The following BMPR1B variants were observed in gnomAD, a reference collection of about 807,000 sequenced individuals.
BMPR1B encodes the protein bone morphogenetic protein receptor type 1B, also known as bone morphogenetic protein receptor type-1B.
In BMPR1B, 12 loss-of-function variants were observed where a neutral mutation model predicts 59.1. The observed-to-expected ratio is 0.20, with a 90% CI of 0.13 to 0.33. The LOEUF (loss-of-function observed/expected upper bound fraction) is 0.33. Among genes scored for constraint, BMPR1B ranks in the 10% least tolerant of loss-of-function variants. The probability of loss-of-function intolerance (pLI) is 1.00; values close to 1 mark genes in which losing one functional copy is unlikely to be tolerated. For synonymous variants in BMPR1B, 237 were observed against 207.3 expected, an observed-to-expected ratio of 1.14 and a Z score of -1.23; for missense variants, 550 against 610.9, an observed-to-expected ratio of 0.90 and a Z score of 1.05.
At chr4:94,891,971 A>G (rs1560534650) in intron 2 of BMPR1B, among the ~76,000 whole-genome samples, 1 of 152,096 alleles carries the variant, frequency 6.6e-6, no homozygotes, top group Non-Finnish European at 1.5e-5. Context: ...TTACTTTAAT[A>G]TTAAATTGAG....
At chr4:95,074,874 A>G (rs529279043) in intron 3 of BMPR1B, among the ~76,000 whole-genome samples, 22 of 152,262 alleles carry the variant, frequency 1.4e-4, no homozygotes, top group African/African-American at 4.8e-4. Context: ...GAAAAGTTAC[A>G]TGCCTGCTCA....
At chr4:95,047,740 C>T (rs1291497759) in intron 3 of BMPR1B, among the ~76,000 whole-genome samples, 1 of 152,046 alleles carries the variant, frequency 6.6e-6, no homozygotes. Flanking sequence ...GGAGATTTTT[C>T]CCATTCTACC....
At chr4:94,793,725 T>G (rs1417668894) in intron 1 of BMPR1B, among the ~76,000 whole-genome samples, 1 of 145,598 alleles carries the variant, frequency 6.9e-6, no homozygotes, top group Non-Finnish European at 1.5e-5. Flanking sequence ...TGGTGTGAGA[T>G]GGTATCTCAT....
intron 8 of BMPR1B, among the ~76,000 whole-genome samples, chr4:95,125,833 A>C (rs996160821): frequency 6.6e-6 from 1 of 152,082 alleles, no homozygotes; most frequent in African/African-American, 2.4e-5. Context: ...AAAATATCCT[A>C]ATACCCAATA....
intron 1 of BMPR1B, among the ~76,000 whole-genome samples, chr4:94,852,345 T>C (rs1452200220): frequency 6.6e-6 from 1 of 152,130 alleles, no homozygotes; most frequent in Non-Finnish European, 1.5e-5. Context: ...AAAAAATATA[T>C]GTATACACAC....
intron 1 of BMPR1B, among the ~76,000 whole-genome samples, chr4:94,781,884 G>A (rs1196473700): frequency 1.3e-5 from 2 of 151,918 alleles, no homozygotes; most frequent in Non-Finnish European, 2.9e-5. Flanking sequence ...CAGTTTCCTT[G>A]TATGCAAAGA....
intron 3 of BMPR1B, among the ~76,000 whole-genome samples, chr4:95,035,060 GT>G (rs2149163053): frequency 6.6e-6 from 1 of 151,980 alleles, no homozygotes; most frequent in African/African-American, 2.4e-5. Flanking sequence ...TCATATGTTT[GT>G]TGGCTATTTG....
intron 1 of BMPR1B, among the ~76,000 whole-genome samples, chr4:94,810,014 T>C (rs917703013): frequency 6.6e-6 from 1 of 152,176 alleles, no homozygotes; most frequent in African/African-American, 2.4e-5. Flanking sequence ...TTTACAGTTT[T>C]TTTGACCCTA....
intron 3 of BMPR1B, among the ~76,000 whole-genome samples, chr4:95,057,419 G>C (rs1317507631): frequency 6.6e-6 from 1 of 152,038 alleles, no homozygotes; most frequent in East Asian, 1.9e-4. Flanking sequence ...TATTTTTGTT[G>C]TATTTTTAGT....
chr4:95,042,001 C>G (rs549995384), intron 3 of BMPR1B, among the ~76,000 whole-genome samples: 1 of 152,070 alleles, frequency 6.6e-6, no homozygotes, highest in African/African-American at 2.4e-5. Flanking sequence ...GGACCATAGG[C>G]GCCAGCCACC....
chr4:94,849,184 A>C (rs1725469332), intron 1 of BMPR1B, among the ~76,000 whole-genome samples: 1 of 152,204 alleles, frequency 6.6e-6, no homozygotes, highest in Non-Finnish European at 1.5e-5. Context: ...TGGGGTAATA[A>C]ATGAGCAAAG....
In BMPR1B at chr4:94,845,828, T is replaced by C. The variant is rs146441917; in HGVS notation, c.-182-30003T>C. Reference sequence around the variant, plus strand: ...TTAGTATCTAGTCTATTTATATGTATCCTTTAAGAAGAAATAGCCAGAAAG... The same window carrying C: ...TTAGTATCTAGTCTATTTATATGTACCCTTTAAGAAGAAATAGCCAGAAAG... On this transcript the variant is annotated intron_variant, in intron 1 of 12. Transcript: ENST00000515059. Among the ~76,000 whole-genome samples the C allele has an allele frequency of 3.7e-3, 567 of 152,302 alleles. 1 individual carries two copies. Among genetic ancestry groups the C allele is most frequent in the African/African-American group, 0.013 (553 of 41,552 alleles).
chr4:94,994,300 G>A (rs963184091), intron 2 of BMPR1B, among the ~76,000 whole-genome samples: 5 of 152,172 alleles, frequency 3.3e-5, no homozygotes, highest in African/African-American at 7.2e-5. Context: ...CAGCAAGAAA[G>A]ATCTATTTGA....
chr4:95,053,565 C>T (rs1726687812), intron 3 of BMPR1B, among the ~76,000 whole-genome samples: 1 of 152,006 alleles, frequency 6.6e-6, no homozygotes, highest in South Asian at 2.1e-4. Flanking sequence ...TAGTGTCTGG[C>T]ACATAATATT....
At chr4:94,986,296 T>G (rs2149092900) in intron 2 of BMPR1B, among the ~76,000 whole-genome samples, 1 of 152,290 alleles carries the variant, frequency 6.6e-6, no homozygotes, top group Admixed American at 6.5e-5. Flanking sequence ...CTGTTCTTGC[T>G]CAGTCTAGGA....
At chr4:95,009,183 A>G (rs1358603698) in intron 3 of BMPR1B, among the ~76,000 whole-genome samples, 3 of 152,340 alleles carry the variant, frequency 2.0e-5, no homozygotes, top group African/African-American at 7.2e-5. Context: ...TTCACTGCTA[A>G]TGGCGATGCA....
rs77075401 is a variant in BMPR1B at position 95,088,576 on chromosome 4, T to C, written c.-17-15832T>C. Among the ~76,000 whole-genome samples the C allele has an allele frequency of 2.0e-3, 301 of 152,274 alleles. 1 individual carries two copies. The highest frequency in any genetic ancestry group is 7.0e-3 in the African/African-American group (291 of 41,560). On this transcript the variant is annotated intron_variant, in intron 3 of 12. Transcript: ENST00000515059. The stretch of plus-strand genomic sequence containing the variant: ...TCATAATAGCACAATTTTAATACTT[T>C]TCTCTTGAGGCTGTTTGACTTGCTG...
At chr4:94,973,681 T>G (rs115397425) in intron 2 of BMPR1B, among the ~76,000 whole-genome samples, 91 of 152,238 alleles carry the variant, frequency 6.0e-4, no homozygotes, top group African/African-American at 2.1e-3. Context: ...TGGGCCTCAG[T>G]TTCAGGCTTT....
chr4:94,848,701 G>C (rs913690560), intron 1 of BMPR1B, among the ~76,000 whole-genome samples: 1 of 152,318 alleles, frequency 6.6e-6, no homozygotes, highest in East Asian at 1.9e-4. Flanking sequence ...GCATGGATAG[G>C]AATGTTAGGA....
Sources: allele counts gnomAD v4.1 joint callset (sites outside exome capture counted in the v4.1 genomes callset), GRCh38; gene constraint gnomAD v4.1.1; transcripts MANE v1.5; gene names NCBI Gene and HGNC (gene_info 2026-07-23, HGNC 2026-07-21).